ZSWIM5: variants seen among roughly 807,000 people sequenced by gnomAD.
ZSWIM5 encodes the protein zinc finger SWIM-type containing 5.
In ZSWIM5, 55 loss-of-function variants were observed where a neutral mutation model predicts 119.6. That is an observed-to-expected ratio of 0.46 (90% CI 0.37 to 0.58). The LOEUF (loss-of-function observed/expected upper bound fraction) is 0.58. Ranked by LOEUF, ZSWIM5 falls within the 20% of genes least tolerant of loss-of-function variation. The probability of loss-of-function intolerance (pLI) is 0.00; values close to 1 mark genes in which losing one functional copy is unlikely to be tolerated. For missense variants in ZSWIM5, 1,193 were observed against 1,512.8 expected (o/e 0.79, Z 3.51); for synonymous variants, 537 against 606.9 (o/e 0.88, Z 1.69).
intron 2 of ZSWIM5, among the ~76,000 whole-genome samples, chr1:45,062,651 C>A (rs1010297789): frequency 6.6e-6 from 1 of 152,018 alleles, no homozygotes; most frequent in Admixed American, 6.6e-5. Flanking sequence ...AAGACATGCA[C>A]CACTATGCCC....
At chr1:45,182,685 A>C (rs1646029086) in intron 1 of ZSWIM5, among the ~76,000 whole-genome samples, 1 of 152,008 alleles carries the variant, frequency 6.6e-6, no homozygotes. Flanking sequence ...GATCAATTCA[A>C]CAAGAAGAGC....
At chr1:45,114,718 C>A (rs1570113826) in intron 1 of ZSWIM5, among the ~76,000 whole-genome samples, 1 of 149,702 alleles carries the variant, frequency 6.7e-6, no homozygotes, top group Non-Finnish European at 1.5e-5. Context: ...GGTCATAGGA[C>A]AATAGTGGAG....
At chr1:45,156,753 G>A (rs1645829341) in intron 1 of ZSWIM5, among the ~76,000 whole-genome samples, 1 of 150,760 alleles carries the variant, frequency 6.6e-6, no homozygotes, top group South Asian at 2.1e-4. Context: ...ACACTGCACA[G>A]GTGATTGAGA....
intron 1 of ZSWIM5, among the ~76,000 whole-genome samples, chr1:45,121,197 C>T (rs1645589640): frequency 6.6e-6 from 1 of 152,202 alleles, no homozygotes. Context: ...GTGATCTGCT[C>T]GTCTCAGCCT....
In ZSWIM5 at chr1:45,143,008, C is replaced by CA. The variant is rs754052253; in HGVS notation, c.596-54772dup. On this transcript the variant is annotated intron_variant, in intron 1 of 13. Transcript: ENST00000359600. ...CAACATGGTGAAACCCTGTCTCTACCAAAAAAAAAAAAAAAAATTAGCTGG... is the reference window on the plus strand; with the variant it reads ...CAACATGGTGAAACCCTGTCTCTACCAAAAAAAAAAAAAAAAAATTAGCTGG... 2.8e-3 allele frequency among the ~76,000 whole-genome samples: 316 copies of CA among 114,310 alleles called. 2 individuals are homozygous for CA. Among genetic ancestry groups the CA allele is most frequent in the Middle Eastern group, 9.0e-3 (2 of 222 alleles). The allele number at this position is 114,310 out of a possible 152,430, so 75.0% of individuals were successfully genotyped here. A position where few individuals can be genotyped will look rare whatever the true frequency, so the allele number is the denominator to read the frequency against.
chr1:45,134,631 C>T (rs1323562347), intron 1 of ZSWIM5, among the ~76,000 whole-genome samples: 1 of 152,166 alleles, frequency 6.6e-6, no homozygotes, highest in Non-Finnish European at 1.5e-5. Context: ...GAAAACAGTG[C>T]ATATGTAAAC....
intron 1 of ZSWIM5, among the ~76,000 whole-genome samples, chr1:45,092,881 T>G (rs1187631947): frequency 1.3e-5 from 2 of 152,244 alleles, no homozygotes; most frequent in Non-Finnish European, 2.9e-5. Flanking sequence ...CAGCCTGCCC[T>G]GCAGATTTCA....
chr1:45,035,385 G>T (rs896531433), intron 10 of ZSWIM5, among the ~76,000 whole-genome samples: 5 of 152,106 alleles, frequency 3.3e-5, no homozygotes, highest in African/African-American at 1.2e-4. Context: ...CCCCTTCTCA[G>T]CTTGCCTGAA....
chr1:45,177,639 A>G (rs1317954477), intron 1 of ZSWIM5, among the ~76,000 whole-genome samples: 2 of 152,092 alleles, frequency 1.3e-5, no homozygotes, highest in Non-Finnish European at 2.9e-5. Flanking sequence ...ATCAGTTGCT[A>G]CTTGATACCA....
intron 1 of ZSWIM5, among the ~76,000 whole-genome samples, chr1:45,179,274 C>T (rs1391478016): frequency 6.6e-6 from 1 of 152,076 alleles, no homozygotes; most frequent in African/African-American, 2.4e-5. Flanking sequence ...TGGAATACTA[C>T]ACAGCCATGT....
At chr1:45,030,732 T>G (rs1295975899) in intron 11 of ZSWIM5, among the ~76,000 whole-genome samples, 5 of 152,150 alleles carry the variant, frequency 3.3e-5, no homozygotes, top group Non-Finnish European at 7.4e-5. Flanking sequence ...CATTTCTGCC[T>G]TTTATCTCCT....
chr1:45,143,874 A>AT (rs202247362), intron 1 of ZSWIM5, among the ~76,000 whole-genome samples: 3 of 146,840 alleles, frequency 2.0e-5, no homozygotes, highest in African/African-American at 4.9e-5. Flanking sequence ...ACAAACATAA[A>AT]TTAAAAAAAA....
intron 1 of ZSWIM5, among the ~76,000 whole-genome samples, chr1:45,201,419 C>T (rs756465463): frequency 2.0e-5 from 3 of 152,066 alleles, no homozygotes; most frequent in East Asian, 1.9e-4. Context: ...TTATTTTCTA[C>T]GGTATCATAT....
At chr1:45,120,648 T>C (rs1484334398) in intron 1 of ZSWIM5, among the ~76,000 whole-genome samples, 3 of 151,920 alleles carry the variant, frequency 2.0e-5, no homozygotes, top group Admixed American at 2.0e-4. Flanking sequence ...TTCTTTCTTT[T>C]TTTTTTTGTA....
Position 45,053,483 on chromosome 1 carries a change from C to T in ZSWIM5, c.1253-2230G>A, listed in dbSNP as rs554683710. 4.6e-5 allele frequency among the ~76,000 whole-genome samples: 7 copies of T among 151,996 alleles called. No homozygotes were observed. In the South Asian group the frequency reaches 6.2e-4, roughly 14 times the overall value. On this transcript the variant is annotated intron_variant, in intron 4 of 13. Coordinates refer to ENST00000359600, the MANE Select transcript of ZSWIM5 (RefSeq NM_020883.2). ...TTGATATTAAGAAGGGGATCCTGGC[C>T]GGGTGCGGTGGCTCATTCCTGTAAT...
intron 11 of ZSWIM5, among the ~76,000 whole-genome samples, chr1:45,030,106 C>T (rs1486526122): frequency 7.9e-5 from 12 of 151,788 alleles, no homozygotes; most frequent in Admixed American, 2.0e-4. Context: ...CACCTTGTCC[C>T]GCTAGTTTTT....
At chr1:45,131,188 C>A (rs1445580738) in intron 1 of ZSWIM5, among the ~76,000 whole-genome samples, 1 of 152,016 alleles carries the variant, frequency 6.6e-6, no homozygotes, top group East Asian at 1.9e-4. Context: ...ATATCAATGT[C>A]AATATCCTGG....
At chr1:45,107,890 T>C (rs1645491717) in intron 1 of ZSWIM5, among the ~76,000 whole-genome samples, 1 of 152,074 alleles carries the variant, frequency 6.6e-6, no homozygotes, top group African/African-American at 2.4e-5. Flanking sequence ...CTCCCTGGCT[T>C]GGCTTAAGCG....
Position 45,030,936 on chromosome 1 carries a change from T to C in ZSWIM5, c.2449+3376A>G, listed in dbSNP as rs2148989791. The stretch of plus-strand genomic sequence containing the variant: ...CCTCAGCCTCCTGAGTAGCTGGGAT[T>C]ACAGGCACCCACCACCATGCCCAGC... On this transcript the variant is annotated intron_variant, in intron 11 of 13. Transcript: ENST00000359600. Among the ~76,000 whole-genome samples the C allele has an allele frequency of 2.0e-5, 3 of 152,018 alleles. No individual in the cohort carries two copies. In the South Asian group the frequency reaches 6.2e-4, roughly 32 times the overall value.
Sources: gnomAD v4.1 joint callset for allele counts (sites outside exome capture counted in the v4.1 genomes callset) on GRCh38, gnomAD v4.1.1 for gene constraint, MANE v1.5 for transcripts, NCBI Gene and HGNC (gene_info 2026-07-23, HGNC 2026-07-21) for gene names.